MAD1L1: variants seen among roughly 807,000 people sequenced by gnomAD.
The protein encoded by MAD1L1 is mitotic spindle assembly checkpoint protein MAD1.
MAD1L1 carries 95 observed loss-of-function variants against 96.9 expected under a neutral mutation model. The observed-to-expected ratio is 0.98, with a 90% CI of 0.83 to 1.16. MAD1L1 has a LOEUF of 1.16. Among genes scored for constraint, MAD1L1 ranks in the 50% most tolerant of loss-of-function variants. The probability of loss-of-function intolerance (pLI) is 0.00; values close to 1 mark genes in which losing one functional copy is unlikely to be tolerated. For missense variants in MAD1L1, 1,007 were observed against 954.4 expected (o/e 1.06, Z -0.73); for synonymous variants, 473 against 396.6 (o/e 1.19, Z -2.29).
In MAD1L1 at chr7:2,140,832, T is replaced by C. The variant is rs531698868; in HGVS notation, c.1073+8320A>G. Among the ~76,000 whole-genome samples the C allele has an allele frequency of 2.7e-4, 41 of 152,332 alleles. 1 individual carries two copies. The highest frequency in any genetic ancestry group is 4.1e-4 in the South Asian group (2 of 4,828). The stretch of plus-strand genomic sequence containing the variant: ...ACAGAGCTAAACACTCAGAAAGTGA[T>C]TGCATTTGGGATGAAATTTTTTTCT... On this transcript the variant is annotated intron_variant, in intron 11 of 18. Transcript: ENST00000265854.
chr7:1,972,193 G>A (rs1403501794), intron 15 of MAD1L1, among the ~76,000 whole-genome samples: 3 of 152,138 alleles, frequency 2.0e-5, no homozygotes, highest in Admixed American at 6.5e-5. Flanking sequence ...TCCTGACACC[G>A]GAAGGCTCGC....
At chr7:2,140,882 T>C (rs964856917) in intron 11 of MAD1L1, among the ~76,000 whole-genome samples, 14 of 152,234 alleles carry the variant, frequency 9.2e-5, no homozygotes, top group Non-Finnish European at 2.1e-4. Context: ...AGGGGGAGTT[T>C]CACATTTCAT....
intron 11 of MAD1L1, among the ~76,000 whole-genome samples, chr7:2,123,080 G>T (rs1446973869): frequency 6.6e-6 from 1 of 152,148 alleles, no homozygotes; most frequent in Admixed American, 6.5e-5. Flanking sequence ...AAGGCAGGTG[G>T]ATCACGAGGT....
intron 11 of MAD1L1, among the ~76,000 whole-genome samples, chr7:2,077,380 T>C (rs1785428009): frequency 6.6e-6 from 1 of 152,208 alleles, no homozygotes; most frequent in South Asian, 2.1e-4. Context: ...AATTCAAGCC[T>C]TGAGCGACTG....
chr7:2,196,334 T>C (rs1423024810), intron 10 of MAD1L1, among the ~76,000 whole-genome samples: 1 of 152,186 alleles, frequency 6.6e-6, no homozygotes, highest in Non-Finnish European at 1.5e-5. Flanking sequence ...AAATAAACTC[T>C]AGAAACTCTT....
At chr7:2,005,308 G>A (rs1293641207) in intron 13 of MAD1L1, among the ~76,000 whole-genome samples, 1 of 152,202 alleles carries the variant, frequency 6.6e-6, no homozygotes, top group African/African-American at 2.4e-5. Flanking sequence ...CATCCACGGG[G>A]TCCTGTGTGA....
intron 17 of MAD1L1, among the ~76,000 whole-genome samples, chr7:1,915,276 G>C (rs572084392): frequency 1.3e-5 from 2 of 152,342 alleles, no homozygotes; most frequent in South Asian, 4.1e-4. Flanking sequence ...GCACCTTGGA[G>C]CGGAAGTGCT....
chr7:1,936,044 G>C (rs1000028327), intron 17 of MAD1L1, among the ~76,000 whole-genome samples: 1 of 152,224 alleles, frequency 6.6e-6, no homozygotes, highest in East Asian at 1.9e-4. Context: ...AGCCTCGCTG[G>C]GGGTGCAGAC....
At chr7:2,205,396 C>A (rs941440159) in intron 10 of MAD1L1, among the ~76,000 whole-genome samples, 4 of 152,162 alleles carry the variant, frequency 2.6e-5, no homozygotes, top group Non-Finnish European at 2.9e-5. Flanking sequence ...ACCTAAAAAA[C>A]TGGTCTTTGG....
chr7:2,029,371 C>T (rs959555201), intron 12 of MAD1L1, among the ~76,000 whole-genome samples: 2 of 152,070 alleles, frequency 1.3e-5, no homozygotes, highest in African/African-American at 2.4e-5. Context: ...GCAGAACTGG[C>T]GTGTGAGAAT....
chr7:1,994,327 C>T (rs879840989), intron 14 of MAD1L1, among the ~76,000 whole-genome samples: 16 of 152,144 alleles, frequency 1.1e-4, no homozygotes, highest in African/African-American at 3.4e-4. Context: ...GGCAGCAGCA[C>T]GGGTCCAGCT....
chr7:2,108,468 T>G (rs1397022200), intron 11 of MAD1L1, among the ~76,000 whole-genome samples: 1 of 152,220 alleles, frequency 6.6e-6, no homozygotes, highest in Non-Finnish European at 1.5e-5. Context: ...TACAACACAG[T>G]GTTTTTCTCC....
At chr7:1,905,667 C>T (rs1787583562) in intron 17 of MAD1L1, among the ~76,000 whole-genome samples, 3 of 152,232 alleles carry the variant, frequency 2.0e-5, no homozygotes, top group Non-Finnish European at 4.4e-5. Context: ...TGGAATAGCT[C>T]TGTGGGCCTG....
chr7:1,898,568 G>A lies in MAD1L1; in HGVS notation c.1808-178C>T, dbSNP rs1787043591. On this transcript the variant is annotated intron_variant, in intron 17 of 18. Coordinates refer to ENST00000265854, the MANE Select transcript of MAD1L1 (RefSeq NM_001013836.2). ...CATCGGCATGCATGAGGGAACGGGA[G>A]TGAGGGGTGAGCTGATAACGGCTGA... Among the ~76,000 whole-genome samples the A allele has an allele frequency of 2.6e-5, 4 of 152,196 alleles. No individual in the cohort carries two copies. The South Asian group carries it at 8.3e-4, about 31-fold the overall frequency.
intron 17 of MAD1L1, among the ~76,000 whole-genome samples, chr7:1,929,531 C>T (rs1308088330): frequency 6.6e-6 from 1 of 152,122 alleles, no homozygotes. Context: ...CCAGGAAAAT[C>T]ACAAGGGTGT....
chr7:1,837,183 G>GC (rs1344192790), intron 18 of MAD1L1, among the ~76,000 whole-genome samples: 3 of 152,342 alleles, frequency 2.0e-5, no homozygotes, highest in African/African-American at 7.2e-5. Context: ...GCGAAGACCA[G>GC]CAAGATGGCA....
intron 11 of MAD1L1, among the ~76,000 whole-genome samples, chr7:2,125,493 G>A (rs910581247): frequency 6.6e-6 from 1 of 152,172 alleles, no homozygotes; most frequent in African/African-American, 2.4e-5. Context: ...GACTGTAACA[G>A]GGCATCTGAG....
chr7:1,905,690 T>C (rs1319311575), intron 17 of MAD1L1, among the ~76,000 whole-genome samples: 1 of 152,230 alleles, frequency 6.6e-6, no homozygotes, highest in Non-Finnish European at 1.5e-5. Flanking sequence ...CTCTGTGACC[T>C]CCCTCTGGGA....
At chr7:2,063,507 C>G (rs905732987) in intron 12 of MAD1L1, among the ~76,000 whole-genome samples, 1 of 152,190 alleles carries the variant, frequency 6.6e-6, no homozygotes, top group African/African-American at 2.4e-5. Flanking sequence ...TGGAAGCTGC[C>G]CAAGCTGTAT....
Sources: gnomAD v4.1 joint callset for allele counts (sites outside exome capture counted in the v4.1 genomes callset) on GRCh38, gnomAD v4.1.1 for gene constraint, MANE v1.5 for transcripts, NCBI Gene and HGNC (gene_info 2026-07-23, HGNC 2026-07-21) for gene names.